PKD1L3: variants seen among roughly 807,000 people sequenced by gnomAD.
PKD1L3 encodes polycystin-1-like protein 3.
In PKD1L3, 239 loss-of-function variants were observed where a neutral mutation model predicts 184.1. The observed-to-expected ratio is 1.30, with a 90% CI of 1.17 to 1.45. The LOEUF is 1.45. Among genes scored for constraint, PKD1L3 ranks in the 40% most tolerant of loss-of-function variants. The pLI, the probability that PKD1L3 is intolerant of heterozygous loss-of-function variation, is 0.00. For missense variants in PKD1L3, 2,660 were observed against 2,067.2 expected (o/e 1.29, Z -5.56); for synonymous variants, 996 against 778.8 (o/e 1.28, Z -4.64).
chr16:71,946,185 A>T (rs1003028036), intron 22 of PKD1L3, among the ~76,000 whole-genome samples: 14 of 152,214 alleles, frequency 9.2e-5, no homozygotes, highest in African/African-American at 2.6e-4. Flanking sequence ...CACAAATGGA[A>T]GGCAGTTTAA....
At chr16:71,961,667 A>C (rs1019393252) in intron 16 of PKD1L3, among the ~76,000 whole-genome samples, 3 of 152,036 alleles carry the variant, frequency 2.0e-5, no homozygotes, top group African/African-American at 7.3e-5. Context: ...AACACAGAGG[A>C]GCTTACAGAT....
chr16:71,962,700 G>T (rs1345860662), intron 16 of PKD1L3, among the ~76,000 whole-genome samples: 1 of 151,838 alleles, frequency 6.6e-6, no homozygotes, highest in Non-Finnish European at 1.5e-5. Flanking sequence ...GGCTGGTCTT[G>T]AACTCCTGAC....
chr16:71,960,270 T>G (rs957784158), intron 16 of PKD1L3, among the ~76,000 whole-genome samples: 10 of 151,268 alleles, frequency 6.6e-5, no homozygotes, highest in African/African-American at 2.4e-4. Flanking sequence ...CAAAATAATA[T>G]GGTAAATTAA....
chr16:71,939,152 C>A (rs1597283601), intron 24 of PKD1L3, among the ~76,000 whole-genome samples: 1 of 152,248 alleles, frequency 6.6e-6, no homozygotes, highest in African/African-American at 2.4e-5. Context: ...TACATCTGGT[C>A]CAGCTTCAGT....
Position 71,944,379 on chromosome 16 carries a change from C to G in PKD1L3, c.3719-209G>C, listed in dbSNP as rs2038478842. ...TGGGGACTGATACTTTTGTACAATA[C>G]AGTAAAAATGAGTTACTAGGCTGAA... On this transcript the variant is annotated intron_variant, in intron 22 of 29. Coordinates refer to ENST00000620267, the MANE Select transcript of PKD1L3 (RefSeq NM_181536.2). Among the ~76,000 whole-genome samples the G allele has an allele frequency of 1.3e-5, 2 of 152,208 alleles. 1 individual carries two copies. Among genetic ancestry groups the G allele is most frequent in the South Asian group, 4.1e-4 (2 of 4,832 alleles).
chr16:71,986,280 C>T lies in PKD1L3; in HGVS notation c.775G>A (p.Gly259Ser), dbSNP rs570871025. Reference protein sequence around the residue: ...AETTSSPKEEGHPNTFTSYLQ... With the variant: ...AETTSSPKEESHPNTFTSYLQ... ...TAAGAGGTGAAGGTATTCGGATGAC[C>T]TTCTTCCTTTGGGCTTGAAGTTGTT... The change falls in exon 5 of 30, where the codon GGT becomes AGT. Residue 259 changes from glycine (G) to serine (S), a missense_variant. Transcript: ENST00000620267. The T allele has an allele frequency of 8.4e-5, 131 of 1,552,098 alleles. No individual in the cohort carries two copies. Among genetic ancestry groups the T allele is most frequent in the Non-Finnish European group, 1.1e-4 (122 of 1,147,106 alleles).
intron 11 of PKD1L3, among the ~76,000 whole-genome samples, chr16:71,975,837 T>A (rs2039897704): frequency 6.6e-6 from 1 of 152,228 alleles, no homozygotes; most frequent in African/African-American, 2.4e-5. Flanking sequence ...GTAAACCTGG[T>A]GAAATCGGAA....
rs116137643 is a variant in PKD1L3, at chr16:71,932,199, A to G, written c.4926+1221T>C. On this transcript the variant is annotated intron_variant, in intron 28 of 29. Coordinates refer to ENST00000620267, the MANE Select transcript of PKD1L3 (RefSeq NM_181536.2). ...ATTAGTAATTTTGGAATTCTAGATC[A>G]TTAGAATGATCAACCATGATCAAAA... is the stretch of plus-strand genomic sequence containing the variant. Among the ~76,000 whole-genome samples, 895 of 152,366 alleles carry G rather than the reference A, an allele frequency of 5.9e-3. 11 individuals are homozygous for G. The highest frequency in any genetic ancestry group is 0.019 in the African/African-American group (792 of 41,586).
At chr16:71,931,387 G>T (rs1310055242) in intron 28 of PKD1L3, among the ~76,000 whole-genome samples, 2 of 151,882 alleles carry the variant, frequency 1.3e-5, no homozygotes, top group African/African-American at 4.8e-5. Flanking sequence ...ACCAAAATCT[G>T]AGGATGCTTA....
rs766305430 is a variant in PKD1L3, at chr16:71,939,281, C to T, written c.4325-1862G>A. Among the ~76,000 whole-genome samples the T allele has an allele frequency of 2.8e-4, 43 of 152,364 alleles. No individual in the cohort carries two copies. In the Middle Eastern group the frequency reaches 0.01, roughly 36 times the overall value. On this transcript the variant is annotated intron_variant, in intron 24 of 29. Coordinates refer to ENST00000620267, the MANE Select transcript of PKD1L3 (RefSeq NM_181536.2). ...TGCTTGCTCATCCATACATACCTCA[C>T]TGCTCTGTACCTGGCTGTCTCTTGG...
In PKD1L3 at chr16:71,970,065, C is replaced by T; in HGVS notation, c.1994G>A (p.Cys665Tyr). 1.3e-6 allele frequency: 2 copies of T among 1,551,662 alleles called. No homozygotes were observed. The highest frequency in any genetic ancestry group is 1.7e-6 in the Non-Finnish European group (2 of 1,146,980). The change falls in exon 13 of 30, where the codon TGT (cysteine) becomes TAT (tyrosine). Residue 665 changes from cysteine (C) to tyrosine (Y), a missense_variant. Transcript: ENST00000620267. ...QSTILRTQCL[C>Y]NHLTFFASDF... is the part of the protein sequence containing the mutation. Reference sequence around the variant, plus strand: ...GCTGGCAAAGAAGGTCAGGTGGTTACAGAGACACTGTGTCCTCAGAATTGT... The same window carrying T: ...GCTGGCAAAGAAGGTCAGGTGGTTATAGAGACACTGTGTCCTCAGAATTGT...
At chr16:71,953,274 A>T (rs2143402941) in intron 17 of PKD1L3, among the ~76,000 whole-genome samples, 181 bp from the exon 18 acceptor site, 1 of 152,298 alleles carries the variant, frequency 6.6e-6, no homozygotes. Flanking sequence ...AATGAATGAG[A>T]ACACTGAGAA....
intron 24 of PKD1L3, among the ~76,000 whole-genome samples, chr16:71,939,476 A>G (rs1009591724): frequency 1.3e-5 from 2 of 152,210 alleles, no homozygotes; most frequent in Non-Finnish European, 2.9e-5. Flanking sequence ...TAGAACTAAG[A>G]TGTACCCCTT....
At chr16:71,941,306 G>A (rs1215377870) in intron 24 of PKD1L3, among the ~76,000 whole-genome samples, 2 of 151,240 alleles carry the variant, frequency 1.3e-5, no homozygotes, top group Non-Finnish European at 2.9e-5. Context: ...AGAACAATAA[G>A]AGACTATGAA....
At position 71,939,580 on chromosome 16, in the gene PKD1L3, T is replaced by C. The variant is rs556759689; in HGVS notation, c.4325-2161A>G. On this transcript the variant is annotated intron_variant, in intron 24 of 29. Coordinates refer to ENST00000620267, the MANE Select transcript of PKD1L3 (RefSeq NM_181536.2). ...CTTTTCCCATGTTTATTTTAATCCC[T>C]GTCTATATTTTGTTAGTAACTAAAA... Among the ~76,000 whole-genome samples the C allele has an allele frequency of 9.3e-4, 141 of 152,338 alleles. 2 individuals carry two copies. Among genetic ancestry groups the C allele is most frequent in the African/African-American group, 3.3e-3 (138 of 41,588 alleles).
chr16:71,959,031 C>CT (rs936185665), intron 16 of PKD1L3, among the ~76,000 whole-genome samples: 2 of 140,752 alleles, frequency 1.4e-5, no homozygotes, highest in Non-Finnish European at 3.0e-5. Flanking sequence ...TTATAGTAAG[C>CT]TGAGATTGCA....
chr16:71,967,465 T>C (rs2039546014), intron 14 of PKD1L3, 150 bp from the exon 15 acceptor site: 2 of 831,734 alleles, frequency 2.4e-6, no homozygotes, highest in Admixed American at 5.9e-5. Flanking sequence ...ATATATGCAG[T>C]ATAGATATAT....
chr16:71,977,284 G>C lies in PKD1L3; in HGVS notation c.1711C>G (p.His571Asp), dbSNP rs1203483137. The C allele has an allele frequency of 2.6e-6, 4 of 1,539,832 alleles. No homozygotes were observed. Among genetic ancestry groups the C allele is most frequent in the South Asian group, 1.2e-5 (1 of 83,778 alleles). Reference sequence around the variant, plus strand: ...GGAAGGGTGATGTTCAGGTGGAAGTGAGTGCAGTTAGGCTGATACTGGAAC... The same window carrying C: ...GGAAGGGTGATGTTCAGGTGGAAGTCAGTGCAGTTAGGCTGATACTGGAAC... ...LGFQYQPNCTHFHLNITLPKD... is the reference protein window; with the variant it reads ...LGFQYQPNCTDFHLNITLPKD... The change falls in exon 11 of 30, where the codon CAC becomes GAC. Residue 571 changes from histidine to aspartate, a missense_variant. Coordinates refer to ENST00000620267, the MANE Select transcript of PKD1L3 (RefSeq NM_181536.2).
chr16:71,932,158 G>C (rs1320244686), intron 28 of PKD1L3, among the ~76,000 whole-genome samples: 1 of 152,174 alleles, frequency 6.6e-6, no homozygotes, highest in African/African-American at 2.4e-5. Context: ...ATTAGAAACT[G>C]AACCTACCCA....
Sources: allele counts gnomAD v4.1 joint callset (sites outside exome capture counted in the v4.1 genomes callset), GRCh38; gene constraint gnomAD v4.1.1; transcripts MANE v1.5; gene names NCBI Gene and HGNC (gene_info 2026-07-23, HGNC 2026-07-21).